WDFY2: variants seen among roughly 807,000 people sequenced by gnomAD.
The protein encoded by WDFY2 is WD repeat and FYVE domain containing 2, also known as WD repeat and FYVE domain-containing protein 2.
A neutral mutation model predicts 56.4 loss-of-function variants in WDFY2; 36 were observed. The ratio of observed to expected loss-of-function variants is 0.64; its 90% CI spans 0.49 to 0.84. The LOEUF is 0.84. WDFY2 is among the 40% of genes least tolerant of loss of function. The probability of loss-of-function intolerance (pLI) is 0.00; values close to 1 mark genes in which losing one functional copy is unlikely to be tolerated. For synonymous variants in WDFY2, 176 were observed against 183.7 expected (o/e 0.96, Z 0.34); for missense variants, 444 against 512.2 (o/e 0.87, Z 1.29).
chr13:51,735,347 G>A (rs1408052521), intron 6 of WDFY2, among the ~76,000 whole-genome samples: 1 of 152,236 alleles, frequency 6.6e-6, no homozygotes. Flanking sequence ...AAAGTCTGCG[G>A]TGGGGACAGA....
At chr13:51,631,477 G>A (rs771713453) in intron 1 of WDFY2, among the ~76,000 whole-genome samples, 1 of 151,898 alleles carries the variant, frequency 6.6e-6, no homozygotes, top group African/African-American at 2.4e-5. Context: ...TCTTCTTGTG[G>A]GTAATTAAAA....
rs183280737 is a variant in WDFY2 at position 51,672,910 on chromosome 13, T to G, written c.206-2260T>G. The stretch of plus-strand genomic sequence containing the variant: ...TGCATTAATTTTGTATTCTGAAAAT[T>G]TGCTGAATTCATTTATTATAGGAAC... On this transcript the variant is annotated intron_variant, in intron 2 of 11. Transcript: ENST00000298125. 9.2e-5 allele frequency among the ~76,000 whole-genome samples: 14 copies of G among 152,372 alleles called. No individual in the cohort carries two copies. The East Asian group carries it at 2.3e-3, about 25-fold the overall frequency.
At chr13:51,685,383 T>C (rs1448303398) in intron 3 of WDFY2, among the ~76,000 whole-genome samples, 3 of 152,148 alleles carry the variant, frequency 2.0e-5, no homozygotes, top group Non-Finnish European at 4.4e-5. Context: ...CCCCTTCCAG[T>C]TGAGAATTTG....
At chr13:51,671,526 T>C (rs1359179802) in intron 2 of WDFY2, among the ~76,000 whole-genome samples, 1 of 152,198 alleles carries the variant, frequency 6.6e-6, no homozygotes, top group African/African-American at 2.4e-5. Context: ...GAATTGTCTA[T>C]TCATGTCCTT....
intron 4 of WDFY2, among the ~76,000 whole-genome samples, chr13:51,714,401 C>G (rs1339438276): frequency 6.6e-6 from 1 of 152,112 alleles, no homozygotes; most frequent in Admixed American, 6.5e-5. Context: ...AAGTGATTCT[C>G]CTGCCTCAGC....
intron 5 of WDFY2, among the ~76,000 whole-genome samples, chr13:51,723,302 T>C (rs1952531246): frequency 6.6e-6 from 1 of 152,246 alleles, no homozygotes. Context: ...ACAATCACTC[T>C]TTGATCTCCT....
chr13:51,758,552 TAAAAAA>T, intron 11 of WDFY2, among the ~76,000 whole-genome samples: 2 of 127,714 alleles, frequency 1.6e-5, no homozygotes, highest in African/African-American at 5.8e-5. Flanking sequence ...CCTCATCTCT[TAAAAAA>T]AAAAAAAAAA....
intron 7 of WDFY2, among the ~76,000 whole-genome samples, chr13:51,742,590 C>T (rs1369661901): frequency 6.6e-6 from 1 of 152,184 alleles, no homozygotes; most frequent in Non-Finnish European, 1.5e-5. Context: ...TTTTAGAACC[C>T]TTTTAAATTC....
intron 4 of WDFY2, among the ~76,000 whole-genome samples, chr13:51,713,275 A>G (rs1566168058): frequency 6.6e-6 from 1 of 152,252 alleles, no homozygotes; most frequent in Non-Finnish European, 1.5e-5. Flanking sequence ...ATAATACATC[A>G]TGATCAAGTG....
rs66771214 is a variant in WDFY2, at chr13:51,667,879, C to CTTTTTTTTTTTTTTT, written c.205+7232_205+7246dup. Among the ~76,000 whole-genome samples the CTTTTTTTTTTTTTTT allele has an allele frequency of 1.4e-3, 69 of 50,046 alleles. 13 individuals are homozygous for CTTTTTTTTTTTTTTT. Among genetic ancestry groups the CTTTTTTTTTTTTTTT allele is most frequent in the African/African-American group, 3.9e-3 (39 of 10,026 alleles). The allele number at this position is 50,046 out of a possible 152,430, so 32.8% of individuals were successfully genotyped here. ...GAAGAAAAAGGTACCTGAGGAACTT[C>CTTTTTTTTTTTTTTT]TTTTTTTTTTTTTTTTTTTTTTTTT... On this transcript the variant is annotated intron_variant, in intron 2 of 11. Transcript: ENST00000298125.
chr13:51,651,719 G>A (rs914735767), intron 1 of WDFY2, among the ~76,000 whole-genome samples: 10 of 152,164 alleles, frequency 6.6e-5, no homozygotes, highest in African/African-American at 1.7e-4. Flanking sequence ...CATGTAGTTG[G>A]GCAGTTTTGA....
At chr13:51,708,348 A>G (rs2138596262) in intron 4 of WDFY2, among the ~76,000 whole-genome samples, 1 of 150,470 alleles carries the variant, frequency 6.6e-6, no homozygotes, top group Admixed American at 6.6e-5. Flanking sequence ...AAAAATACCA[A>G]TTAGCCTGTA....
In WDFY2 at chr13:51,645,382, A is replaced by T. The variant is rs556727848; in HGVS notation, c.138-15214A>T. Among the ~76,000 whole-genome samples, 6 of 152,298 alleles carry T rather than the reference A, an allele frequency of 3.9e-5. No homozygotes were observed. The East Asian group carries it at 1.2e-3, about 29-fold the overall frequency. Reference sequence around the variant, plus strand: ...CAAAAATAACAATTGTCCCCTGGGAAATGAAGCTCATTGCTATGGTAACTA... The same window carrying T: ...CAAAAATAACAATTGTCCCCTGGGATATGAAGCTCATTGCTATGGTAACTA... On this transcript the variant is annotated intron_variant, in intron 1 of 11. Transcript: ENST00000298125.
chr13:51,653,050 C>T (rs376857013), intron 1 of WDFY2, among the ~76,000 whole-genome samples: 1 of 152,142 alleles, frequency 6.6e-6, no homozygotes, highest in Non-Finnish European at 1.5e-5. Context: ...ACCAATCAGA[C>T]GTAGATTTGG....
intron 1 of WDFY2, among the ~76,000 whole-genome samples, chr13:51,602,247 GACATTGTAGCCATCTTA>G (rs1954301519): frequency 6.6e-6 from 1 of 152,170 alleles, no homozygotes; most frequent in South Asian, 2.1e-4. Context: ...ATTGCCTAGT[GACATTGTAGCCATCTTA>G]ACATTGTAGT....
intron 2 of WDFY2, among the ~76,000 whole-genome samples, chr13:51,669,349 C>G (rs1377447531): frequency 2.6e-5 from 4 of 151,996 alleles, no homozygotes; most frequent in African/African-American, 9.7e-5. Context: ...ATTATTTTAC[C>G]AAATATCCAG....
At chr13:51,649,340 C>G (rs1593931436) in intron 1 of WDFY2, among the ~76,000 whole-genome samples, 1 of 151,552 alleles carries the variant, frequency 6.6e-6, no homozygotes, top group South Asian at 2.1e-4. Flanking sequence ...CTGTGCGGTG[C>G]ATTTGGCCCT....
intron 3 of WDFY2, among the ~76,000 whole-genome samples, chr13:51,681,216 T>C (rs1003038373): frequency 1.3e-5 from 2 of 152,200 alleles, no homozygotes; most frequent in African/African-American, 4.8e-5. Flanking sequence ...AATTTTCACC[T>C]TAATCAGCTT....
At position 51,760,861 on chromosome 13, in the gene WDFY2, T is replaced by G. The variant is rs1489668025; in HGVS notation, c.*1092T>G. The G allele has an allele frequency of 6.6e-6, 1 of 152,342 alleles. No individual in the cohort carries two copies. The highest frequency in any genetic ancestry group is 1.5e-5 in the Non-Finnish European group (1 of 68,088). The allele number at this position is 152,342 out of a possible 1,614,324, so 9.4% of individuals were successfully genotyped here. ...GCGGAGCCCAGGCAGTAACACTTGC[T>G]TGCCCACTGCTCACGTCTGATGGGT... On this transcript the variant is annotated 3_prime_UTR_variant, in exon 12 of 12. Transcript: ENST00000298125.
Sources: allele counts gnomAD v4.1 joint callset (sites outside exome capture counted in the v4.1 genomes callset), GRCh38; gene constraint gnomAD v4.1.1; transcripts MANE v1.5; gene names NCBI Gene and HGNC (gene_info 2026-07-23, HGNC 2026-07-21).